BRINP1: variants seen among roughly 807,000 people sequenced by gnomAD.
The protein encoded by BRINP1 is BMP/retinoic acid inducible neural specific 1.
A neutral mutation model predicts 72.9 loss-of-function variants in BRINP1; 17 were observed. That is an observed-to-expected ratio of 0.23 (90% CI 0.16 to 0.35). BRINP1 has a LOEUF of 0.35. BRINP1 is among the 10% of genes least tolerant of loss of function. The pLI is 1.00. For synonymous variants in BRINP1, 418 were observed against 378.5 expected (o/e 1.10, Z -1.21); for missense variants, 850 against 1,001.6 (o/e 0.85, Z 2.04).
At chr9:119,225,405 G>A (rs1830079931) in intron 5 of BRINP1, among the ~76,000 whole-genome samples, 1 of 151,318 alleles carries the variant, frequency 6.6e-6, no homozygotes, top group African/African-American at 2.4e-5. Flanking sequence ...GAATGCTCAA[G>A]TCCCTTATAT....
chr9:119,335,764 CTAAAAT>C (rs1431061309), intron 1 of BRINP1, among the ~76,000 whole-genome samples: 1 of 152,216 alleles, frequency 6.6e-6, no homozygotes, highest in African/African-American at 2.4e-5. Context: ...TTCTCTAAAT[CTAAAAT>C]CTGCTTTCTG....
chr9:119,193,827 C>G (rs906839639), intron 7 of BRINP1, among the ~76,000 whole-genome samples: 2 of 152,216 alleles, frequency 1.3e-5, no homozygotes, highest in Non-Finnish European at 2.9e-5. Context: ...GTACTCTCCC[C>G]TTGAATCTGG....
intron 7 of BRINP1, among the ~76,000 whole-genome samples, chr9:119,181,285 C>T (rs1829554080): frequency 6.6e-6 from 1 of 152,094 alleles, no homozygotes. Flanking sequence ...GTCTAGTGGG[C>T]CTTAACCCTG....
At position 119,298,928 on chromosome 9, in the gene BRINP1, G is replaced by A. The variant is rs1398086331; in HGVS notation, c.218+14210C>T. The stretch of plus-strand genomic sequence containing the variant: ...TTGAGCCAATACTTTTTTTTTAAAG[G>A]TAAGTATTTATTTTAACTGAGAAGT... On this transcript the variant is annotated intron_variant, in intron 2 of 7. Coordinates refer to ENST00000265922, the MANE Select transcript of BRINP1 (RefSeq NM_014618.3). 2.0e-5 allele frequency among the ~76,000 whole-genome samples: 3 copies of A among 151,702 alleles called. No individual in the cohort carries two copies. In the East Asian group the frequency reaches 5.8e-4, roughly 29 times the overall value.
At chr9:119,196,392 C>A (rs999123130) in intron 7 of BRINP1, among the ~76,000 whole-genome samples, 3 of 152,084 alleles carry the variant, frequency 2.0e-5, no homozygotes, top group African/African-American at 7.2e-5. Flanking sequence ...CCTCTTACAC[C>A]CAAAAGAGAG....
At position 119,167,993 on chromosome 9, in the gene BRINP1, G is replaced by A. The variant is rs956022196; in HGVS notation, c.1377C>T (p.Gly459=). 11 of 1,614,208 alleles carry A rather than the reference G, an allele frequency of 6.8e-6. No individual in the cohort carries two copies. Among genetic ancestry groups the A allele is most frequent in the Non-Finnish European group, 9.3e-6 (11 of 1,180,020 alleles). Residue 459 remains glycine, a synonymous_variant, in exon 8 of 8, where the codon GGC becomes GGT. Coordinates refer to ENST00000265922, the MANE Select transcript of BRINP1 (RefSeq NM_014618.3). This position sits in a 1 kb window ranked among gnomAD's most constrained non-coding sequence, Gnocchi z 4.3. ...AGTCCACGTTCTGTGGTTCACAGCG[G>A]CCTCGATACAGCTTGTAGCCCTTGT... ...SCNKGYKLYR[G]RCEPQNVDSE... is the part of the protein sequence containing the mutation.
Position 119,313,378 on chromosome 9 carries a change from T to C in BRINP1, c.-23A>G, listed in dbSNP as rs774504005. On this transcript the variant is annotated 5_prime_UTR_variant, in exon 2 of 8. Transcript: ENST00000265922. Reference sequence around the variant, plus strand: ...CATGCTTTTCTGCCGGCCTTTTTCCTCTCATTCTTGCTCCATTCTGTGGAG... The same window carrying C: ...CATGCTTTTCTGCCGGCCTTTTTCCCCTCATTCTTGCTCCATTCTGTGGAG... 2 of 1,612,352 alleles carry C rather than the reference T, an allele frequency of 1.2e-6. No individual in the cohort carries two copies.
intron 2 of BRINP1, among the ~76,000 whole-genome samples, chr9:119,285,219 A>T (rs1459468667): frequency 6.9e-6 from 1 of 144,266 alleles, no homozygotes; most frequent in African/African-American, 2.5e-5. Flanking sequence ...AAAAAAAAAA[A>T]AATAGGTTGT....
intron 5 of BRINP1, among the ~76,000 whole-genome samples, chr9:119,216,432 G>A (rs902634467): frequency 6.6e-6 from 1 of 152,190 alleles, no homozygotes; most frequent in Non-Finnish European, 1.5e-5. Flanking sequence ...GAGGGCTACT[G>A]TACAAGGGCA....
chr9:119,291,072 G>A (rs575544531), intron 2 of BRINP1, among the ~76,000 whole-genome samples: 6 of 149,154 alleles, frequency 4.0e-5, no homozygotes, highest in South Asian at 2.1e-4. Flanking sequence ...GCAGTGAGCC[G>A]AGATCGCGCC....
chr9:119,273,179 G>A (rs1451265570), intron 2 of BRINP1, among the ~76,000 whole-genome samples: 1 of 152,194 alleles, frequency 6.6e-6, no homozygotes, highest in Admixed American at 6.5e-5. Context: ...AATGAACTCA[G>A]GATCCTATTC....
chr9:119,331,475 A>G (rs1162950674), intron 1 of BRINP1, among the ~76,000 whole-genome samples: 1 of 152,258 alleles, frequency 6.6e-6, no homozygotes, highest in African/African-American at 2.4e-5. Flanking sequence ...AAGAAATAAC[A>G]GCAATTTGTC....
At chr9:119,174,867 A>C (rs1234991624) in intron 7 of BRINP1, among the ~76,000 whole-genome samples, 2 of 151,188 alleles carry the variant, frequency 1.3e-5, no homozygotes, top group African/African-American at 4.9e-5. Context: ...TATCGCAAGA[A>C]CAAAAAACCA....
At chr9:119,218,197 A>G (rs866109315) in intron 5 of BRINP1, among the ~76,000 whole-genome samples, 4 of 135,872 alleles carry the variant, frequency 2.9e-5, no homozygotes, top group Middle Eastern at 3.7e-3. Flanking sequence ...TTGTTGATCA[A>G]ATAAATATTT....
chr9:119,222,448 T>A (rs1418401890), intron 5 of BRINP1, among the ~76,000 whole-genome samples: 1 of 152,086 alleles, frequency 6.6e-6, no homozygotes, highest in Non-Finnish European at 1.5e-5. Flanking sequence ...AATTATCTGG[T>A]TCCTAACAGA....
intron 1 of BRINP1, among the ~76,000 whole-genome samples, chr9:119,358,372 A>AT (rs1195394451): frequency 6.9e-6 from 1 of 144,050 alleles, no homozygotes; most frequent in African/African-American, 2.6e-5. Flanking sequence ...GATCTTAAAA[A>AT]GAGTTTATAT....
chr9:119,288,782 T>C (rs868541534), intron 2 of BRINP1, among the ~76,000 whole-genome samples: 3 of 151,970 alleles, frequency 2.0e-5, no homozygotes, highest in Non-Finnish European at 2.9e-5. Flanking sequence ...TGTTTGTTTG[T>C]TTTTTGTTTT....
chr9:119,313,007 AC>A lies in BRINP1; in HGVS notation c.218+130del, dbSNP rs1313825695. 5 of 1,031,280 alleles carry A rather than the reference AC, an allele frequency of 4.8e-6. No homozygotes were observed. The African/African-American group carries it at 6.5e-5, about 13-fold the overall frequency. 63.9% of individuals were successfully genotyped at this position (1,031,280 alleles called of 1,614,324 possible). ...CAAAGAAAAAAAAAATTAATCAAAA[AC>A]AGCTTGTGGAAGGAGCACAGACCCT... On this transcript the variant is annotated intron_variant, in intron 2 of 7. Coordinates refer to ENST00000265922, the MANE Select transcript of BRINP1 (RefSeq NM_014618.3).
intron 5 of BRINP1, among the ~76,000 whole-genome samples, chr9:119,229,782 GA>G (rs1188260663): frequency 2.0e-4 from 30 of 152,218 alleles, no homozygotes; most frequent in African/African-American, 7.2e-4. Context: ...TATCATGTGG[GA>G]TAAGAAGTGT....
Sources: gnomAD v4.1 joint callset for allele counts (sites outside exome capture counted in the v4.1 genomes callset) on GRCh38, gnomAD v4.1.1 for gene constraint, Gnocchi (gnomAD v3.1) non-coding constraint, MANE v1.5 for transcripts, NCBI Gene and HGNC (gene_info 2026-07-23, HGNC 2026-07-21) for gene names.